The following RYR3 variants were observed in gnomAD, a reference collection of about 807,000 sequenced individuals.
RYR3 encodes the protein ryanodine receptor 3, also known as brain ryanodine receptor-calcium release channel.
RYR3 carries 207 observed loss-of-function variants against 584.3 expected under a neutral mutation model. The ratio of observed to expected loss-of-function variants is 0.35; its 90% CI spans 0.32 to 0.40. The LOEUF is 0.40. Ranked by LOEUF, RYR3 falls within the 10% of genes least tolerant of loss-of-function variation. The probability of loss-of-function intolerance (pLI) is 1.00; values close to 1 mark genes in which losing one functional copy is unlikely to be tolerated. For missense variants in RYR3, 5,616 were observed against 6,089.2 expected, an observed-to-expected ratio of 0.92 and a Z score of 2.59; for synonymous variants, 2,416 against 2,248.5, an observed-to-expected ratio of 1.07 and a Z score of -2.11.
At chr15:33,475,917 G>C (rs11637662) in intron 2 of RYR3, among the ~76,000 whole-genome samples, 31,601 of 152,038 alleles carry the variant, frequency 0.21, 3,871 homozygotes, top group Admixed American at 0.29. Flanking sequence ...TTAAAATAAG[G>C]AAAACTAATT....
chr15:33,322,774 G>A (rs1466858373), intron 1 of RYR3, among the ~76,000 whole-genome samples: 4 of 151,780 alleles, frequency 2.6e-5, no homozygotes, highest in African/African-American at 7.3e-5. Flanking sequence ...TCTTAAAGTC[G>A]ATGGTTTCTC....
intron 10 of RYR3, among the ~76,000 whole-genome samples, chr15:33,562,056 T>G (rs1341963579): frequency 6.6e-6 from 1 of 151,626 alleles, no homozygotes; most frequent in African/African-American, 2.4e-5. Flanking sequence ...GGTATAACCA[T>G]TCAGAATAGA....
chr15:33,635,517 C>T lies in RYR3; in HGVS notation c.3176-97C>T, dbSNP rs1414344845. 10 of 866,832 alleles carry T rather than the reference C, an allele frequency of 1.2e-5. No homozygotes were observed. In the East Asian group the frequency reaches 2.6e-4, roughly 23 times the overall value. 53.7% of individuals were successfully genotyped at this position (866,832 alleles called of 1,614,324 possible). A position where few individuals can be genotyped will look rare whatever the true frequency, so the allele number is the denominator to read the frequency against. Reference sequence around the variant, plus strand: ...CGACCTATGGTCAGTCTTAGATGTTCTCATCAAATTCTTTTGAGTAGTGCT... The same window carrying T: ...CGACCTATGGTCAGTCTTAGATGTTTTCATCAAATTCTTTTGAGTAGTGCT... On this transcript the variant is annotated intron_variant, in intron 25 of 103. Coordinates refer to ENST00000634891, the MANE Select transcript of RYR3 (RefSeq NM_001036.6).
chr15:33,722,670 G>A lies in RYR3; in HGVS notation c.6620-45G>A, dbSNP rs780841012. ...CTCATCAACTAGAAATAAATTCTGG[G>A]GTTGTCCTTTTCATTGAGAAGGAAA... On this transcript the variant is annotated intron_variant, in intron 43 of 103. Coordinates refer to ENST00000634891, the MANE Select transcript of RYR3 (RefSeq NM_001036.6). 2.0e-6 allele frequency: 3 copies of A among 1,530,396 alleles called. No individual in the cohort carries two copies. The South Asian group carries it at 3.4e-5, about 17-fold the overall frequency. 94.8% of individuals were successfully genotyped at this position (1,530,396 alleles called of 1,614,324 possible).
At chr15:33,379,020 A>G (rs368018046) in intron 1 of RYR3, among the ~76,000 whole-genome samples, 2 of 152,128 alleles carry the variant, frequency 1.3e-5, no homozygotes, top group East Asian at 3.8e-4. Context: ...AATCTTATCT[A>G]TGTTACCACA....
chr15:33,646,292 G>A (rs990222128), intron 28 of RYR3, 59 bp from the exon 29 acceptor site: 198 of 1,464,424 alleles, frequency 1.4e-4, no homozygotes, highest in Non-Finnish European at 1.8e-4. Flanking sequence ...AGGGAAAAAG[G>A]GACTGGGTCA....
chr15:33,700,837 C>T, intron 41 of RYR3, 140 bp from the exon 42 acceptor site: 3 of 567,642 alleles, frequency 5.3e-6, no homozygotes, highest in Non-Finnish European at 9.6e-6. Context: ...AGCGGACTGT[C>T]CCATTGGAGA....
chr15:33,559,310 C>T (rs2057277817), intron 10 of RYR3, among the ~76,000 whole-genome samples: 1 of 152,120 alleles, frequency 6.6e-6, no homozygotes, highest in Admixed American at 6.5e-5. Context: ...AGATGTTGTG[C>T]AATGTTCCTT....
intron 18 of RYR3, among the ~76,000 whole-genome samples, chr15:33,604,127 C>T (rs1199758499): frequency 6.6e-6 from 1 of 152,238 alleles, no homozygotes; most frequent in African/African-American, 2.4e-5. Flanking sequence ...TTTTGCAAAA[C>T]TGCAATTGGA....
intron 21 of RYR3, 88 bp from the exon 22 acceptor site, chr15:33,629,852 A>G (rs964232366): frequency 4.4e-6 from 3 of 679,532 alleles, no homozygotes; most frequent in East Asian, 5.6e-5. Flanking sequence ...TGCCTGGGCC[A>G]TGTTTCAAAG....
chr15:33,754,923 C>G (rs2071669055), intron 57 of RYR3, 142 bp from the exon 58 acceptor site: 3 of 610,290 alleles, frequency 4.9e-6, no homozygotes, highest in Non-Finnish European at 8.9e-6. Context: ...GAGGGGAAAT[C>G]AGTCAAATGA....
At chr15:33,725,976 C>CCAA (rs1555427643) in intron 45 of RYR3, among the ~76,000 whole-genome samples, 1 of 31,516 alleles carries the variant, frequency 3.2e-5, no homozygotes, top group Non-Finnish European at 5.9e-5. Flanking sequence ...TCCCCCCCCC[C>CCAA]AAAAAAAAAA....
chr15:33,705,643 C>T (rs2066654360), intron 42 of RYR3, among the ~76,000 whole-genome samples: 1 of 152,202 alleles, frequency 6.6e-6, no homozygotes, highest in South Asian at 2.1e-4. Flanking sequence ...ACAGAGATCT[C>T]GTGATAAGTG....
chr15:33,805,405 C>T lies in RYR3; in HGVS notation c.10012-2150C>T, dbSNP rs892646708. Among the ~76,000 whole-genome samples the T allele has an allele frequency of 5.3e-5, 8 of 151,624 alleles. No individual in the cohort carries two copies. In the East Asian group the frequency reaches 5.8e-4, roughly 11 times the overall value. On this transcript the variant is annotated intron_variant, in intron 69 of 103. Coordinates refer to ENST00000634891, the MANE Select transcript of RYR3 (RefSeq NM_001036.6). Reference sequence around the variant, plus strand: ...TTTTTCAAGGGCATTCACACTTACACGTGTGAGTGAATTTTCTTGCTCATT... The same window carrying T: ...TTTTTCAAGGGCATTCACACTTACATGTGTGAGTGAATTTTCTTGCTCATT...
At chr15:33,848,101 T>G (rs1417504517) in intron 93 of RYR3, among the ~76,000 whole-genome samples, 190 bp from the exon 94 acceptor site, 2 of 152,180 alleles carry the variant, frequency 1.3e-5, no homozygotes, top group Non-Finnish European at 1.5e-5. Flanking sequence ...CAGATCAGCT[T>G]TAAAGAGGTA....
In RYR3 at chr15:33,311,201, C is replaced by A; in HGVS notation, c.51+105C>A. 1.1e-6 allele frequency: 1 copy of A among 881,502 alleles called. No individual in the cohort carries two copies. Among genetic ancestry groups the A allele is most frequent in the Non-Finnish European group, 1.6e-6 (1 of 640,438 alleles). The allele number at this position is 881,502 out of a possible 1,614,324, so 54.6% of individuals were successfully genotyped here. A position where few individuals can be genotyped will look rare whatever the true frequency, so the allele number is the denominator to read the frequency against. On this transcript the variant is annotated intron_variant, in intron 1 of 103. Coordinates refer to ENST00000634891, the MANE Select transcript of RYR3 (RefSeq NM_001036.6). This position sits in a 1 kb window ranked among gnomAD's most constrained non-coding sequence, Gnocchi z 4.4. ...GCGCCGCGGTGCCGGGTGCCCGGTGCCGGGCGCTTTCTCCGCACCCGCGGG... is the reference window on the plus strand; with the variant it reads ...GCGCCGCGGTGCCGGGTGCCCGGTGACGGGCGCTTTCTCCGCACCCGCGGG...
intron 16 of RYR3, among the ~76,000 whole-genome samples, chr15:33,600,317 T>A (rs1288415458): frequency 1.3e-5 from 2 of 151,886 alleles, no homozygotes; most frequent in African/African-American, 4.8e-5. Flanking sequence ...GTGGCCACTT[T>A]GAAAGACTGA....
At chr15:33,634,770 A>G (rs561096109) in intron 25 of RYR3, 37 bp downstream of exon 25, 11 of 1,591,946 alleles carry the variant, frequency 6.9e-6, no homozygotes, top group Non-Finnish European at 9.5e-6. Flanking sequence ...GCCCCAGTTT[A>G]CTAAACAGGT....
intron 86 of RYR3, among the ~76,000 whole-genome samples, chr15:33,834,441 G>A (rs957671683): frequency 9.2e-5 from 14 of 151,522 alleles, no homozygotes; most frequent in African/African-American, 3.4e-4. Context: ...TCCTAGACGT[G>A]GTTGAATGCT....
Sources: gnomAD v4.1 joint callset for allele counts (sites outside exome capture counted in the v4.1 genomes callset) on GRCh38, gnomAD v4.1.1 for gene constraint, Gnocchi (gnomAD v3.1) non-coding constraint, MANE v1.5 for transcripts, NCBI Gene and HGNC (gene_info 2026-07-23, HGNC 2026-07-21) for gene names.